The following SCN10A variants were observed in gnomAD, a reference collection of about 807,000 sequenced individuals.
The protein encoded by SCN10A is sodium channel protein type 10 subunit alpha.
A neutral mutation model predicts 170.7 loss-of-function variants in SCN10A; 162 were observed. The ratio of observed to expected loss-of-function variants is 0.95; its 90% CI spans 0.84 to 1.08. SCN10A has a LOEUF of 1.08. Among genes scored for constraint, SCN10A ranks in the 50% least tolerant of loss-of-function variants. The pLI, the probability that SCN10A is intolerant of heterozygous loss-of-function variation, is 0.00. For synonymous variants in SCN10A, 985 were observed against 904.6 expected (o/e 1.09, Z -1.59); for missense variants, 2,527 against 2,436.9 (o/e 1.04, Z -0.78).
rs752941011 is a variant in SCN10A at position 38,739,702 on chromosome 3, CAA to C, written c.2107-16_2107-15del. 9 of 1,605,322 alleles carry C rather than the reference CAA, an allele frequency of 5.6e-6. No homozygotes were observed. The East Asian group carries it at 2.0e-4, about 36-fold the overall frequency. On this transcript the variant is annotated splice_polypyrimidine_tract_variant and intron_variant, in intron 14 of 27. Coordinates refer to ENST00000449082, the MANE Select transcript of SCN10A (RefSeq NM_006514.4). ...TATGGTAAAGACCTAGGAGTGGAAA[CAA>C]GCTTTCATCACAGTGGGATCTGTGG...
intron 3 of SCN10A, among the ~76,000 whole-genome samples, chr3:38,791,331 G>T (rs146542549): frequency 6.6e-6 from 1 of 152,104 alleles, no homozygotes; most frequent in Non-Finnish European, 1.5e-5. Context: ...TACTAGTTTG[G>T]CTTGCCTTGC....
intron 15 of SCN10A, among the ~76,000 whole-genome samples, chr3:38,735,169 CAAAAAAAA>C (rs543574832): frequency 1.3e-4 from 10 of 76,166 alleles, no homozygotes; most frequent in African/African-American, 1.6e-4. Flanking sequence ...GACTCTGTCT[CAAAAAAAA>C]AAAAAAAAAA....
intron 26 of SCN10A, among the ~76,000 whole-genome samples, chr3:38,706,115 C>G (rs958065664): frequency 6.6e-6 from 1 of 152,186 alleles, no homozygotes; most frequent in Non-Finnish European, 1.5e-5. Flanking sequence ...TACTTCTTAT[C>G]AGAATCTAGA....
At position 38,697,297 on chromosome 3, in the gene SCN10A, C is replaced by A; in HGVS notation, c.*52G>T. On this transcript the variant is annotated 3_prime_UTR_variant, in exon 28 of 28. Transcript: ENST00000449082. ...GATCTGCAATGGGAAAGAGTTAACA[C>A]AGAGCAGAAGGACGCATCATAACTG... 3 of 1,589,002 alleles carry A rather than the reference C, an allele frequency of 1.9e-6. No individual in the cohort carries two copies. Among genetic ancestry groups the A allele is most frequent in the Non-Finnish European group, 2.6e-6 (3 of 1,166,212 alleles).
intron 18 of SCN10A, among the ~76,000 whole-genome samples, chr3:38,724,761 T>G (rs1029629078): frequency 2.6e-5 from 4 of 152,366 alleles, no homozygotes; most frequent in Middle Eastern, 3.4e-3. Context: ...TCCTGGGCAC[T>G]TACTTTGTCT....
intron 4 of SCN10A, among the ~76,000 whole-genome samples, 177 bp downstream of exon 4, chr3:38,788,779 T>C (rs965397205): frequency 6.6e-6 from 1 of 152,148 alleles, no homozygotes; most frequent in Admixed American, 6.6e-5. Context: ...ATCATGTATG[T>C]TTATGAAACA....
At chr3:38,715,021 C>T (rs917609980) in intron 21 of SCN10A, among the ~76,000 whole-genome samples, 2 of 152,132 alleles carry the variant, frequency 1.3e-5, no homozygotes, top group Non-Finnish European at 2.9e-5. Context: ...GTGGCAGAGC[C>T]CCAAGCAATG....
chr3:38,728,713 G>C lies in SCN10A; in HGVS notation c.2469C>G (p.Pro823=). The change falls in exon 16 of 28, where the codon CCC becomes CCG. Residue 823 remains proline (P), a synonymous_variant. Coordinates refer to ENST00000449082, the MANE Select transcript of SCN10A (RefSeq NM_006514.4). ...YRNNRKNISA[P]HEDWPRWHMH... ...TGTGCCAGCGGGGCCAGTCTTCATG[G>C]GGCGCGGAGATATTTTTTCGGTTGT... The C allele has an allele frequency of 6.2e-7, 1 of 1,614,102 alleles. No individual in the cohort carries two copies. The highest frequency in any genetic ancestry group is 8.5e-7 in the Non-Finnish European group (1 of 1,180,024).
Position 38,722,431 on chromosome 3 carries a change from G to T in SCN10A, c.3353-19C>A. 6.2e-7 allele frequency: 1 copy of T among 1,610,640 alleles called. No individual in the cohort carries two copies. On this transcript the variant is annotated intron_variant, in intron 19 of 27. Transcript: ENST00000449082. Reference sequence around the variant, plus strand: ...ATGCATCCTGTGGGGAGAGGTGACTGATGGTGGGTGATGGCCAGTGGGCAA... The same window carrying T: ...ATGCATCCTGTGGGGAGAGGTGACTTATGGTGGGTGATGGCCAGTGGGCAA...
intron 27 of SCN10A, 90 bp downstream of exon 27, chr3:38,701,749 G>A: frequency 1.6e-6 from 2 of 1,275,156 alleles, no homozygotes; most frequent in South Asian, 3.0e-5. Flanking sequence ...ATTTCAAAAA[G>A]TTGGTTGGTT....
chr3:38,714,031 G>A lies in SCN10A; in HGVS notation c.3731C>T (p.Ala1244Val), dbSNP rs1484498541. ...AAGGGTTCGAAGGGCTTTGATGGGA[G>A]CCACTTCAGAATATTCCAGAATCTT... ...TAKILEYSEVAPIKALRTLRA... is the reference protein window; with the variant it reads ...TAKILEYSEVVPIKALRTLRA... Residue 1244 changes from alanine (A) to valine (V), a missense_variant, in exon 22 of 28, where the codon GCT (alanine) becomes GTT (valine). Transcript: ENST00000449082. 9 of 1,614,078 alleles carry A rather than the reference G, an allele frequency of 5.6e-6. No homozygotes were observed. Among genetic ancestry groups the A allele is most frequent in the Non-Finnish European group, 6.8e-6 (8 of 1,180,050 alleles).
chr3:38,737,589 A>T (rs2063578635), intron 15 of SCN10A, among the ~76,000 whole-genome samples: 1 of 152,162 alleles, frequency 6.6e-6, no homozygotes, highest in African/African-American at 2.4e-5. Context: ...GTGTCTCAGG[A>T]CATGCTTTAT....
At chr3:38,751,423 G>C (rs1212483179) in intron 12 of SCN10A, among the ~76,000 whole-genome samples, 1 of 152,210 alleles carries the variant, frequency 6.6e-6, no homozygotes, top group Non-Finnish European at 1.5e-5. Flanking sequence ...TCTGTTTCTT[G>C]CTGGGACCCT....
At chr3:38,711,723 TGAAA>T (rs915652349) in intron 23 of SCN10A, among the ~76,000 whole-genome samples, 31 of 152,318 alleles carry the variant, frequency 2.0e-4, no homozygotes, top group African/African-American at 5.5e-4. Flanking sequence ...GACTGGATGA[TGAAA>T]GAAAGAAAGA....
At chr3:38,742,592 G>C in intron 13 of SCN10A, 63 bp from the exon 14 acceptor site, 1 of 1,264,302 alleles carries the variant, frequency 7.9e-7, no homozygotes, top group Non-Finnish European at 1.2e-6. Context: ...CCAATTCTGC[G>C]GTCATCCTCT....
At chr3:38,729,479 CT>C (rs1233147069) in intron 15 of SCN10A, among the ~76,000 whole-genome samples, 1 of 152,116 alleles carries the variant, frequency 6.6e-6, no homozygotes, top group African/African-American at 2.4e-5. Flanking sequence ...ACCAACGAAC[CT>C]ACCCCCCAGA....
At position 38,697,630 on chromosome 3, in the gene SCN10A, T is replaced by C. The variant is rs2063105276; in HGVS notation, c.5590A>G (p.Ser1864Gly). ...SATVIQKAYRSYVLHRSMALS... is the reference protein window; with the variant it reads ...SATVIQKAYRGYVLHRSMALS... ...GCCATGGAGCGGTGCAGCACATAGC[T>C]CCGATAGGCCTTTTGAATGACAGTG... Residue 1864 changes from serine to glycine, a missense_variant, in exon 28 of 28, where the codon AGC becomes GGC. Physicochemically the swap from Ser to Gly is moderately conservative, Grantham distance 56 (BLOSUM62 0). Transcript: ENST00000449082. 6.2e-7 allele frequency: 1 copy of C among 1,614,156 alleles called. No individual in the cohort carries two copies. The highest frequency in any genetic ancestry group is 8.5e-7 in the Non-Finnish European group (1 of 1,180,028).
At position 38,816,082 on chromosome 3, in the gene SCN10A, T is replaced by A. The variant is rs1437401412; in HGVS notation, c.-78A>T. ...TGTCTTCTACGTAAGAAATATCTTC[T>A]CTTCTATCCCAGATTGCCTCTACTG... On this transcript the variant is annotated 5_prime_UTR_variant, in exon 1 of 28. Coordinates refer to ENST00000449082, the MANE Select transcript of SCN10A (RefSeq NM_006514.4). 6.6e-6 allele frequency: 1 copy of A among 152,240 alleles called. No individual in the cohort carries two copies. The highest frequency in any genetic ancestry group is 1.5e-5 in the Non-Finnish European group (1 of 68,046). 9.4% of individuals were successfully genotyped at this position (152,240 alleles called of 1,614,324 possible).
chr3:38,731,154 T>G (rs1430813969), intron 15 of SCN10A, among the ~76,000 whole-genome samples: 1 of 152,228 alleles, frequency 6.6e-6, no homozygotes, highest in Non-Finnish European at 1.5e-5. Flanking sequence ...GAAAGCTGAC[T>G]GCTCATTAGC....
Sources: allele counts gnomAD v4.1 joint callset (sites outside exome capture counted in the v4.1 genomes callset), GRCh38; gene constraint gnomAD v4.1.1; transcripts MANE v1.5; gene names NCBI Gene and HGNC (gene_info 2026-07-23, HGNC 2026-07-21).